Variants in UBXN7 observed in about 807,000 individuals in gnomAD.
The protein encoded by UBXN7 is UBX domain-containing protein 7.
A neutral mutation model predicts 58.0 loss-of-function variants in UBXN7; 9 were observed. That is an observed-to-expected ratio of 0.16 (90% CI 0.09 to 0.27). The LOEUF (loss-of-function observed/expected upper bound fraction) is 0.27. Among genes scored for constraint, UBXN7 ranks in the 10% least tolerant of loss-of-function variants. The pLI is 1.00. For missense variants in UBXN7, 328 were observed against 599.6 expected, an observed-to-expected ratio of 0.55 and a Z score of 4.73; for synonymous variants, 208 against 205.0, an observed-to-expected ratio of 1.01 and a Z score of -0.12.
intron 1 of UBXN7, among the ~76,000 whole-genome samples, chr3:196,421,733 C>T (rs1408939165): frequency 6.6e-6 from 1 of 151,040 alleles, no homozygotes; most frequent in African/African-American, 2.4e-5. Flanking sequence ...GCCAAGATCG[C>T]ACCACTGCAC....
In UBXN7 at chr3:196,363,620, T is replaced by C. The variant is rs559411646; in HGVS notation, c.835-933A>G. 2.0e-5 allele frequency among the ~76,000 whole-genome samples: 3 copies of C among 152,070 alleles called. No homozygotes were observed. In the South Asian group the frequency reaches 6.2e-4, roughly 32 times the overall value. On this transcript the variant is annotated intron_variant, in intron 8 of 10. Coordinates refer to ENST00000296328, the MANE Select transcript of UBXN7 (RefSeq NM_015562.2). ...TCTTGAAGGAAATTAAAAGTGCTAC[T>C]CCAGTGAACACACAAATGATAACAA...
At chr3:196,404,350 C>T (rs1730091886) in intron 2 of UBXN7, among the ~76,000 whole-genome samples, 1 of 151,084 alleles carries the variant, frequency 6.6e-6, no homozygotes, top group Admixed American at 6.6e-5. Context: ...GCAAGCTCCG[C>T]CTCCCAGGTT....
chr3:196,425,888 C>T (rs1370559075), intron 1 of UBXN7, among the ~76,000 whole-genome samples: 1 of 152,102 alleles, frequency 6.6e-6, no homozygotes, highest in Non-Finnish European at 1.5e-5. Flanking sequence ...AGTATTAGCT[C>T]CTTACCATTC....
intron 1 of UBXN7, among the ~76,000 whole-genome samples, chr3:196,408,359 C>T (rs1356158214): frequency 6.6e-6 from 1 of 152,054 alleles, no homozygotes; most frequent in East Asian, 1.9e-4. Flanking sequence ...ATACTCATTC[C>T]TTTTTTGACT....
chr3:196,380,317 C>T (rs1359458292), intron 5 of UBXN7, among the ~76,000 whole-genome samples: 2 of 152,046 alleles, frequency 1.3e-5, no homozygotes, highest in Non-Finnish European at 2.9e-5. Context: ...GCAGAGGAGC[C>T]TTCCATGCTG....
At chr3:196,382,911 C>T (rs544250589) in intron 5 of UBXN7, among the ~76,000 whole-genome samples, 67 of 152,146 alleles carry the variant, frequency 4.4e-4, no homozygotes, top group Admixed American at 1.5e-3. Context: ...GTCAGGAGAT[C>T]GAGACCATCC....
At chr3:196,401,298 T>TATATATACACACAC (rs1269101481) in intron 3 of UBXN7, among the ~76,000 whole-genome samples, 1 of 61,694 alleles carries the variant, frequency 1.6e-5, no homozygotes, top group African/African-American at 8.7e-5. Context: ...TATATATATA[T>TATATATACACACAC]ACACACACAC....
At chr3:196,382,396 T>A (rs994969036) in intron 5 of UBXN7, among the ~76,000 whole-genome samples, 32 of 152,166 alleles carry the variant, frequency 2.1e-4, no homozygotes, top group Non-Finnish European at 7.3e-5. Context: ...CTAAGCTTCA[T>A]AAGTGAAGGA....
chr3:196,356,443 A>G lies in UBXN7; in HGVS notation c.*242T>C. 1 of 388,784 alleles carries G rather than the reference A, an allele frequency of 2.6e-6. No individual in the cohort carries two copies. Among genetic ancestry groups the G allele is most frequent in the Non-Finnish European group, 4.6e-6 (1 of 219,124 alleles). 24.1% of individuals were successfully genotyped at this position (388,784 alleles called of 1,614,324 possible). A position where few individuals can be genotyped will look rare whatever the true frequency, so the allele number is the denominator to read the frequency against. The stretch of plus-strand genomic sequence containing the variant: ...GTCACCAGATTAGGTAAGAAAGAAA[A>G]GTGTGGGGGGAGGGGGAGGCAGAAG... On this transcript the variant is annotated 3_prime_UTR_variant, in exon 11 of 11. Transcript: ENST00000296328.
chr3:196,395,092 G>C (rs1396111875), intron 3 of UBXN7, among the ~76,000 whole-genome samples: 1 of 152,152 alleles, frequency 6.6e-6, no homozygotes, highest in Admixed American at 6.5e-5. Context: ...ATATGGGTAA[G>C]TAACTAAGTT....
intron 10 of UBXN7, among the ~76,000 whole-genome samples, chr3:196,360,794 T>C (rs1728485488): frequency 1.3e-5 from 2 of 152,090 alleles, no homozygotes; most frequent in Admixed American, 1.3e-4. Flanking sequence ...GAGGCTGCGG[T>C]GAGAGGATTA....
intron 1 of UBXN7, among the ~76,000 whole-genome samples, chr3:196,425,605 G>A (rs1478062986): frequency 6.6e-6 from 1 of 151,984 alleles, no homozygotes; most frequent in Non-Finnish European, 1.5e-5. Flanking sequence ...TCAGAATAAA[G>A]ACAAGATTTT....
intron 2 of UBXN7, among the ~76,000 whole-genome samples, chr3:196,406,057 G>A (rs1730152102): frequency 6.6e-6 from 1 of 151,440 alleles, no homozygotes; most frequent in Non-Finnish European, 1.5e-5. Context: ...GAGACAGGAG[G>A]CCTCACTCTG....
rs1217996429 is a variant in UBXN7, at chr3:196,350,370, CCTT to C, written c.*6312_*6314del. 8 of 152,100 alleles carry C rather than the reference CCTT, an allele frequency of 5.3e-5. No homozygotes were observed. Among genetic ancestry groups the C allele is most frequent in the Non-Finnish European group, 1.0e-4 (7 of 68,016 alleles). 9.4% of individuals were successfully genotyped at this position (152,100 alleles called of 1,614,324 possible). A position where few individuals can be genotyped will look rare whatever the true frequency, so the allele number is the denominator to read the frequency against. On this transcript the variant is annotated 3_prime_UTR_variant, in exon 11 of 11. Coordinates refer to ENST00000296328, the MANE Select transcript of UBXN7 (RefSeq NM_015562.2). ...TCTCTATATGAAACCAGAGAATTCT[CCTT>C]AACTAGGGAGAAAATGAGCTATAAA... is the stretch of plus-strand genomic sequence containing the variant.
chr3:196,385,175 G>C (rs1003349152), intron 5 of UBXN7, among the ~76,000 whole-genome samples: 4 of 152,172 alleles, frequency 2.6e-5, no homozygotes, highest in Admixed American at 1.3e-4. Flanking sequence ...ACTGGTTTTC[G>C]TATTTTTTGG....
intron 5 of UBXN7, among the ~76,000 whole-genome samples, chr3:196,379,847 T>C (rs1328504320): frequency 6.6e-6 from 1 of 152,028 alleles, no homozygotes; most frequent in Non-Finnish European, 1.5e-5. Flanking sequence ...TTGTCCCTTC[T>C]GTGGTCGCCA....
At chr3:196,420,258 T>C (rs1224924433) in intron 1 of UBXN7, among the ~76,000 whole-genome samples, 1 of 152,052 alleles carries the variant, frequency 6.6e-6, no homozygotes, top group Non-Finnish European at 1.5e-5. Context: ...TGGGACTGGG[T>C]GCAGTGTCTC....
intron 1 of UBXN7, chr3:196,414,730 T>C (rs1170973790): frequency 6.6e-6 from 1 of 152,202 alleles, no homozygotes; most frequent in Non-Finnish European, 1.5e-5. Context: ...TCATAATCTT[T>C]ACCCTTGTCT....
At chr3:196,405,068 C>T (rs1026456365) in intron 2 of UBXN7, among the ~76,000 whole-genome samples, 19 of 152,062 alleles carry the variant, frequency 1.2e-4, no homozygotes, top group Admixed American at 1.2e-3. Flanking sequence ...GTTGCTTGAA[C>T]CCGAGAGGAG....
Sources: gnomAD v4.1 joint callset for allele counts (sites outside exome capture counted in the v4.1 genomes callset) on GRCh38, gnomAD v4.1.1 for gene constraint, MANE v1.5 for transcripts, NCBI Gene and HGNC (gene_info 2026-07-23, HGNC 2026-07-21) for gene names.